Variants in PTPRG observed in about 807,000 individuals in gnomAD.
PTPRG encodes the protein protein tyrosine phosphatase receptor type G.
Under a neutral mutation model 165.3 loss-of-function variants are expected in PTPRG, and 102 were observed. The observed-to-expected ratio is 0.62, with a 90% CI of 0.53 to 0.73. The LOEUF (loss-of-function observed/expected upper bound fraction) is 0.73. Ranked by LOEUF, PTPRG falls within the 30% of genes least tolerant of loss-of-function variation. The probability of loss-of-function intolerance (pLI) is 0.00; values close to 1 mark genes in which losing one functional copy is unlikely to be tolerated. For missense variants in PTPRG, 1,866 were observed against 1,861.4 expected, an observed-to-expected ratio of 1.00 and a Z score of -0.05; for synonymous variants, 675 against 669.5, an observed-to-expected ratio of 1.01 and a Z score of -0.13.
chr3:62,023,030 C>A, intron 4 of PTPRG, among the ~76,000 whole-genome samples: 1 of 150,882 alleles, frequency 6.6e-6, no homozygotes, highest in African/African-American at 2.4e-5. Context: ...AATACATCAC[C>A]AATTAATTAA....
chr3:62,265,896 T>TATATATACACACACACACACACACAC (rs1553662684), intron 17 of PTPRG, among the ~76,000 whole-genome samples: 3 of 130,612 alleles, frequency 2.3e-5, no homozygotes, highest in Non-Finnish European at 4.9e-5. Context: ...GTGCCTTATA[T>TATATATACACACACACACACACACAC]ACACACACAC....
intron 2 of PTPRG, among the ~76,000 whole-genome samples, chr3:61,907,249 C>A (rs1049153623): frequency 3.3e-5 from 5 of 151,908 alleles, no homozygotes; most frequent in African/African-American, 1.2e-4. Flanking sequence ...AAGAAAAGCT[C>A]GAGGGTGACT....
chr3:61,643,566 G>A lies in PTPRG; in HGVS notation c.85+81194G>A, dbSNP rs577481516. On this transcript the variant is annotated intron_variant, in intron 1 of 29. Coordinates refer to ENST00000474889, the MANE Select transcript of PTPRG (RefSeq NM_002841.4). ...AGGCCGAGGCGGTGAATCACTTGAG[G>A]TCAGGAGTTCGAGACCAGCCTGGCC... 4.7e-4 allele frequency among the ~76,000 whole-genome samples: 72 copies of A among 152,274 alleles called. 1 individual carries two copies. The highest frequency in any genetic ancestry group is 1.7e-3 in the African/African-American group (70 of 41,560).
At chr3:62,141,696 T>C (rs1477279750) in intron 6 of PTPRG, among the ~76,000 whole-genome samples, 1 of 151,274 alleles carries the variant, frequency 6.6e-6, no homozygotes, top group Non-Finnish European at 1.5e-5. Flanking sequence ...GGTCAGGAGT[T>C]CGAGACCAGC....
At chr3:61,719,840 A>C (rs2031975211) in intron 1 of PTPRG, among the ~76,000 whole-genome samples, 1 of 151,974 alleles carries the variant, frequency 6.6e-6, no homozygotes. Context: ...CTTGTGCCTC[A>C]CTGTTTTGTA....
chr3:62,191,856 T>G (rs556272288), intron 9 of PTPRG, among the ~76,000 whole-genome samples: 18 of 152,310 alleles, frequency 1.2e-4, no homozygotes, highest in African/African-American at 4.3e-4. Context: ...CATCCTGACC[T>G]TAGACTTAAC....
intron 4 of PTPRG, among the ~76,000 whole-genome samples, chr3:62,008,724 G>C (rs2041352158): frequency 6.6e-6 from 1 of 152,216 alleles, no homozygotes; most frequent in Non-Finnish European, 1.5e-5. Flanking sequence ...TTCCACCTCA[G>C]ATCATCAGGC....
intron 2 of PTPRG, among the ~76,000 whole-genome samples, chr3:61,981,583 G>T (rs1266118959): frequency 6.6e-6 from 1 of 152,192 alleles, no homozygotes; most frequent in African/African-American, 2.4e-5. Flanking sequence ...TGGACATGCT[G>T]TTGGTGTAAA....
chr3:62,269,308 G>C, intron 20 of PTPRG, 139 bp downstream of exon 20: 1 of 889,796 alleles, frequency 1.1e-6, no homozygotes, highest in East Asian at 2.7e-5. Flanking sequence ...TAACTCTTTT[G>C]ATTGACATCA....
chr3:62,008,061 C>T (rs1329771115), intron 4 of PTPRG, among the ~76,000 whole-genome samples: 1 of 152,224 alleles, frequency 6.6e-6, no homozygotes, highest in Non-Finnish European at 1.5e-5. Context: ...TTTCTGTTGT[C>T]TGTCCAGCCA....
rs1325692909 is a variant in PTPRG, at chr3:62,296,178, T to C, written c.*2871T>C. The C allele has an allele frequency of 2.0e-5, 3 of 152,156 alleles. No individual in the cohort carries two copies. The East Asian group carries it at 5.8e-4, about 29-fold the overall frequency. The allele number at this position is 152,156 out of a possible 1,614,324, so 9.4% of individuals were successfully genotyped here. ...GATAGCCAAGATATCTTCTTTAATA[T>C]GAAAAAAGTTAATTTCTGAATTTCA... On this transcript the variant is annotated 3_prime_UTR_variant, in exon 30 of 30. Transcript: ENST00000474889.
chr3:61,648,727 A>G (rs866320756), intron 1 of PTPRG, among the ~76,000 whole-genome samples: 2 of 152,114 alleles, frequency 1.3e-5, no homozygotes, highest in African/African-American at 2.4e-5. Context: ...ATTAGGTTCT[A>G]TTACCTTGTA....
chr3:61,855,599 A>G (rs1022497403), intron 2 of PTPRG, among the ~76,000 whole-genome samples: 5 of 150,242 alleles, frequency 3.3e-5, no homozygotes, highest in Non-Finnish European at 5.9e-5. Context: ...AGTAGACTTT[A>G]TAGTCTTGTA....
At chr3:61,681,490 C>T (rs1703439384) in intron 1 of PTPRG, among the ~76,000 whole-genome samples, 1 of 152,184 alleles carries the variant, frequency 6.6e-6, no homozygotes, top group South Asian at 2.1e-4. Context: ...AGACTGCCTG[C>T]TAGGACCAGC....
chr3:61,962,723 G>A (rs999119750), intron 2 of PTPRG, among the ~76,000 whole-genome samples: 8 of 151,542 alleles, frequency 5.3e-5, no homozygotes, highest in African/African-American at 2.0e-4. Context: ...CTTATAGTAA[G>A]CATTTTTTGA....
At chr3:62,198,385 A>T (rs1484573576) in intron 10 of PTPRG, among the ~76,000 whole-genome samples, 1 of 152,218 alleles carries the variant, frequency 6.6e-6, no homozygotes, top group Non-Finnish European at 1.5e-5. Context: ...AACACACAGC[A>T]ATGGCCCACC....
intron 9 of PTPRG, among the ~76,000 whole-genome samples, chr3:62,193,769 C>T (rs1309400835): frequency 1.3e-5 from 2 of 152,210 alleles, no homozygotes; most frequent in African/African-American, 4.8e-5. Context: ...AATACCAGTT[C>T]AGAGGTTTTC....
intron 2 of PTPRG, among the ~76,000 whole-genome samples, chr3:61,956,844 CTT>C: frequency 6.6e-6 from 1 of 152,254 alleles, no homozygotes; most frequent in African/African-American, 2.4e-5. Context: ...CTATTTCCCT[CTT>C]TATCCTGGAA....
In PTPRG at chr3:61,627,334, A is replaced by G. The variant is rs147037141; in HGVS notation, c.85+64962A>G. 1.8e-3 allele frequency among the ~76,000 whole-genome samples: 268 copies of G among 152,218 alleles called. 3 individuals are homozygous for G. Among genetic ancestry groups the G allele is most frequent in the African/African-American group, 6.1e-3 (255 of 41,534 alleles). On this transcript the variant is annotated intron_variant, in intron 1 of 29. Transcript: ENST00000474889. Reference sequence around the variant, plus strand: ...GTGATTTGGGGTAAAAAAACATAAAATTTGCCTGATACGATAATTGTTGAG... The same window carrying G: ...GTGATTTGGGGTAAAAAAACATAAAGTTTGCCTGATACGATAATTGTTGAG...
Sources: allele counts gnomAD v4.1 joint callset (sites outside exome capture counted in the v4.1 genomes callset), GRCh38; gene constraint gnomAD v4.1.1; transcripts MANE v1.5; gene names NCBI Gene and HGNC (gene_info 2026-07-23, HGNC 2026-07-21).